Variants in SORCS2 observed in about 807,000 individuals in gnomAD.
SORCS2 encodes sortilin related VPS10 domain containing receptor 2.
Under a neutral mutation model 141.6 loss-of-function variants are expected in SORCS2, and 100 were observed. That is an observed-to-expected ratio of 0.71 (90% CI 0.60 to 0.83). The LOEUF is 0.83. Ranked by LOEUF, SORCS2 falls within the 40% of genes least tolerant of loss-of-function variation. The pLI, the probability that SORCS2 is intolerant of heterozygous loss-of-function variation, is 0.00. For synonymous variants in SORCS2, 789 were observed against 676.9 expected (o/e 1.17, Z -2.57); for missense variants, 1,646 against 1,560.2 (o/e 1.05, Z -0.93).
intron 3 of SORCS2, among the ~76,000 whole-genome samples, chr4:7,610,989 C>T (rs571622879): frequency 1.1e-4 from 16 of 152,268 alleles, no homozygotes; most frequent in African/African-American, 2.4e-4. Context: ...CACTCCCGCA[C>T]GCGTGCAGAC....
rs373111053 is a variant in SORCS2 at position 7,689,617 on chromosome 4, C to G, written c.1591+29C>G. On this transcript the variant is annotated intron_variant, in intron 11 of 26. Coordinates refer to ENST00000507866, the MANE Select transcript of SORCS2 (RefSeq NM_020777.3). The stretch of plus-strand genomic sequence containing the variant: ...GGTGGCTTCCATCACAGGTGGCTGG[C>G]AGGTGCCATTACAGCCCAAGAGTAC... The G allele has an allele frequency of 4.8e-4, 736 of 1,548,722 alleles. 5 individuals carry two copies. Among genetic ancestry groups the G allele is most frequent in the Admixed American group, 5.2e-4 (27 of 51,576 alleles).
Position 7,638,367 on chromosome 4 carries a change from A to G in SORCS2, c.688A>G (p.Ser230Gly). Reference protein sequence around the residue: ...VSSSLSDRDQSLFLSADEGAT... With the variant: ...VSSSLSDRDQGLFLSADEGAT... Reference sequence around the variant, plus strand: ...CTCCTCACTCAGTGACCGGGACCAGAGCCTATTCCTCAGCGCAGACGAAGG... The same window carrying G: ...CTCCTCACTCAGTGACCGGGACCAGGGCCTATTCCTCAGCGCAGACGAAGG... The change falls in exon 4 of 27, where the codon AGC becomes GGC. Residue 230 changes from serine to glycine, a missense_variant. Physicochemically the swap from Ser to Gly is moderately conservative, Grantham distance 56 (BLOSUM62 0). Coordinates refer to ENST00000507866, the MANE Select transcript of SORCS2 (RefSeq NM_020777.3). 1 of 1,542,110 alleles carries G rather than the reference A, an allele frequency of 6.5e-7. No individual in the cohort carries two copies. Among genetic ancestry groups the G allele is most frequent in the Admixed American group, 2.1e-5 (1 of 47,694 alleles).
At chr4:7,595,933 C>T (rs753305008) in intron 3 of SORCS2, among the ~76,000 whole-genome samples, 9 of 152,160 alleles carry the variant, frequency 5.9e-5, no homozygotes, top group Non-Finnish European at 1.3e-4. Context: ...TCCCCTGGCC[C>T]CATGGGGAAT....
intron 1 of SORCS2, among the ~76,000 whole-genome samples, chr4:7,344,399 C>A (rs1031944009): frequency 6.6e-6 from 1 of 152,200 alleles, no homozygotes; most frequent in African/African-American, 2.4e-5. Flanking sequence ...AGCACTCAGG[C>A]CTTCACTGCT....
intron 4 of SORCS2, among the ~76,000 whole-genome samples, chr4:7,647,150 TGA>T (rs1721135675): frequency 6.6e-6 from 1 of 151,730 alleles, no homozygotes; most frequent in South Asian, 2.1e-4. Context: ...GGCCTGGAGG[TGA>T]GAGAGCAAAA....
At chr4:7,570,777 A>G (rs1301497294) in intron 3 of SORCS2, among the ~76,000 whole-genome samples, 3 of 151,820 alleles carry the variant, frequency 2.0e-5, no homozygotes, top group Non-Finnish European at 4.4e-5. Context: ...TCCAGAGGGG[A>G]GGGTTTTAAT....
chr4:7,421,365 C>T (rs747086958), intron 2 of SORCS2, among the ~76,000 whole-genome samples: 3 of 152,210 alleles, frequency 2.0e-5, no homozygotes, highest in Non-Finnish European at 2.9e-5. Context: ...GAGTTCCAGT[C>T]CTGGCTCTGC....
intron 1 of SORCS2, among the ~76,000 whole-genome samples, chr4:7,285,385 A>G (rs1716146036): frequency 6.6e-6 from 1 of 152,212 alleles, no homozygotes; most frequent in Non-Finnish European, 1.5e-5. Context: ...TGCTGCTTCT[A>G]GATAAGGCCA....
intron 3 of SORCS2, among the ~76,000 whole-genome samples, chr4:7,616,287 A>AT (rs1053063155): frequency 5.9e-5 from 9 of 152,152 alleles, no homozygotes; most frequent in African/African-American, 2.2e-4. Context: ...CCACTCACAT[A>AT]TACATACACA....
chr4:7,712,887 G>C (rs982629026), intron 15 of SORCS2, 34 bp downstream of exon 15: 4 of 1,610,388 alleles, frequency 2.5e-6, no homozygotes, highest in African/African-American at 2.7e-5. Flanking sequence ...CGGGCAGGTG[G>C]GGTACAGACT....
At chr4:7,586,602 T>C (rs1443899564) in intron 3 of SORCS2, among the ~76,000 whole-genome samples, 1 of 152,212 alleles carries the variant, frequency 6.6e-6, no homozygotes, top group Non-Finnish European at 1.5e-5. Context: ...GTTCCTGTGT[T>C]AGTTTGCTGA....
chr4:7,700,744 G>A (rs1253982584), intron 12 of SORCS2, among the ~76,000 whole-genome samples: 1 of 152,194 alleles, frequency 6.6e-6, no homozygotes, highest in African/African-American at 2.4e-5. Context: ...CTCGGAGGGA[G>A]CACAGAGCAT....
chr4:7,212,979 C>T (rs888665683), intron 1 of SORCS2, among the ~76,000 whole-genome samples: 4 of 152,258 alleles, frequency 2.6e-5, no homozygotes, highest in African/African-American at 7.2e-5. Context: ...AAATACCCTT[C>T]CCACCTTGTG....
intron 1 of SORCS2, among the ~76,000 whole-genome samples, chr4:7,308,401 C>T (rs147043729): frequency 6.6e-6 from 1 of 152,242 alleles, no homozygotes; most frequent in East Asian, 1.9e-4. Context: ...ACTTTTCTGG[C>T]CTGTGTGTTT....
At chr4:7,434,145 C>T (rs755292430) in intron 2 of SORCS2, 1 of 1,613,880 alleles carries the variant, frequency 6.2e-7, no homozygotes, top group Non-Finnish European at 8.5e-7. Flanking sequence ...TGCAGAGCTC[C>T]TGCGGGGGGA....
At chr4:7,303,786 A>G (rs1717603144) in intron 1 of SORCS2, among the ~76,000 whole-genome samples, 3 of 152,272 alleles carry the variant, frequency 2.0e-5, no homozygotes, top group Non-Finnish European at 4.4e-5. Context: ...GTCAGAGCGC[A>G]GGACGCAGAC....
At position 7,740,234 on chromosome 4, in the gene SORCS2, C is replaced by G. The variant is rs749862466; in HGVS notation, c.3450C>G (p.Ser1150=). Residue 1150 remains serine, a synonymous_variant, in exon 27 of 27, where the codon TCC becomes TCG. Coordinates refer to ENST00000507866, the MANE Select transcript of SORCS2 (RefSeq NM_020777.3). The part of the protein sequence containing the change: ...NHSGVVLSIN[S]REMHSYLVS ...CAGGCGTGGTCCTGAGCATCAACTC[C>G]CGAGAGATGCACAGCTACCTGGTGA... The G allele has an allele frequency of 3.4e-5, 54 of 1,609,972 alleles. No individual in the cohort carries two copies. The East Asian group carries it at 1.2e-3, about 36-fold the overall frequency.
At chr4:7,459,655 C>T (rs1381366398) in intron 2 of SORCS2, among the ~76,000 whole-genome samples, 2 of 152,168 alleles carry the variant, frequency 1.3e-5, no homozygotes, top group African/African-American at 4.8e-5. Context: ...GGTGTCCAGG[C>T]CACTGGTCTC....
intron 3 of SORCS2, among the ~76,000 whole-genome samples, chr4:7,621,360 G>A (rs1221899123): frequency 6.6e-6 from 1 of 151,788 alleles, no homozygotes; most frequent in Non-Finnish European, 1.5e-5. Context: ...CTATGTGTGA[G>A]TGTTATGTTT....
Sources: gnomAD v4.1 joint callset for allele counts (sites outside exome capture counted in the v4.1 genomes callset) on GRCh38, gnomAD v4.1.1 for gene constraint, MANE v1.5 for transcripts, NCBI Gene and HGNC (gene_info 2026-07-23, HGNC 2026-07-21) for gene names.